The following MCC variants were observed in gnomAD, a reference collection of about 807,000 sequenced individuals.
MCC encodes the protein MCC regulator of Wnt signaling pathway.
Under a neutral mutation model 116.2 loss-of-function variants are expected in MCC, and 90 were observed. That is an observed-to-expected ratio of 0.77 (90% CI 0.65 to 0.92). The LOEUF (loss-of-function observed/expected upper bound fraction) is 0.92, where lower values mean the gene tolerates loss of function less well. Among genes scored for constraint, MCC ranks in the 40% least tolerant of loss-of-function variants. MCC has a pLI of 0.00. For synonymous variants in MCC, 578 were observed against 510.5 expected, an observed-to-expected ratio of 1.13 and a Z score of -1.78; for missense variants, 1,516 against 1,312.2, an observed-to-expected ratio of 1.16 and a Z score of -2.40.
At chr5:113,444,089 T>C (rs548181855) in intron 1 of MCC, among the ~76,000 whole-genome samples, 17 of 152,012 alleles carry the variant, frequency 1.1e-4, no homozygotes, top group South Asian at 4.2e-4. Flanking sequence ...ACGTGATCTA[T>C]CCGCTTTGGC....
At chr5:113,339,705 T>C (rs1181326273) in intron 3 of MCC, among the ~76,000 whole-genome samples, 1 of 152,206 alleles carries the variant, frequency 6.6e-6, no homozygotes, top group African/African-American at 2.4e-5. Flanking sequence ...CCTTCAAACA[T>C]CCCACCAAAA....
At chr5:113,218,120 G>A (rs1206063021) in intron 3 of MCC, among the ~76,000 whole-genome samples, 1 of 144,650 alleles carries the variant, frequency 6.9e-6, no homozygotes, top group Non-Finnish European at 1.5e-5. Context: ...TGGGAAACTG[G>A]GGGGAGTATG....
intron 14 of MCC, among the ~76,000 whole-genome samples, chr5:113,061,628 C>G (rs1371543938): frequency 6.6e-6 from 1 of 152,202 alleles, no homozygotes; most frequent in Admixed American, 6.5e-5. Context: ...TGGTTAACTA[C>G]CCCTCTGCTG....
rs1767643325 is a variant in MCC, at chr5:113,329,435, C to T, written c.627+11084G>A. On this transcript the variant is annotated intron_variant, in intron 3 of 18. Transcript: ENST00000408903. ...ATATCCACACATACATATATACACA[C>T]ATACATATATACATATATGTATACA... 2.0e-5 allele frequency among the ~76,000 whole-genome samples: 3 copies of T among 148,376 alleles called. No homozygotes were observed. The South Asian group carries it at 6.2e-4, about 31-fold the overall frequency.
chr5:113,234,139 A>G (rs1764045944), intron 3 of MCC, among the ~76,000 whole-genome samples: 1 of 152,186 alleles, frequency 6.6e-6, no homozygotes, highest in Non-Finnish European at 1.5e-5. Context: ...ATTTTCATGA[A>G]CTGATAGTTT....
chr5:113,354,677 T>C (rs912491338), intron 2 of MCC, among the ~76,000 whole-genome samples: 10 of 151,840 alleles, frequency 6.6e-5, no homozygotes, highest in Non-Finnish European at 1.3e-4. Flanking sequence ...TCAGGTGATC[T>C]GCCCGCCTCG....
chr5:113,264,721 T>G (rs1013837532), intron 3 of MCC, among the ~76,000 whole-genome samples: 1 of 152,206 alleles, frequency 6.6e-6, no homozygotes, highest in African/African-American at 2.4e-5. Context: ...AAAAATTATA[T>G]GAAATTCACA....
intron 1 of MCC, among the ~76,000 whole-genome samples, chr5:113,407,167 A>T (rs1034370667): frequency 2.0e-5 from 3 of 152,208 alleles, no homozygotes; most frequent in Non-Finnish European, 4.4e-5. Flanking sequence ...GTGCTCAGCA[A>T]TTGACATAAT....
intron 1 of MCC, among the ~76,000 whole-genome samples, chr5:113,466,506 C>A (rs75758540): frequency 0.37 from 55,769 of 151,826 alleles, 12,833 homozygotes; most frequent in East Asian, 0.69. Flanking sequence ...CTACAAAGGA[C>A]ACAAACTCAT....
chr5:113,474,673 A>G (rs953774113), intron 1 of MCC, among the ~76,000 whole-genome samples: 1 of 152,212 alleles, frequency 6.6e-6, no homozygotes, highest in Non-Finnish European at 1.5e-5. Context: ...GCAAGCCTGC[A>G]GATTAGAATA....
intron 12 of MCC, among the ~76,000 whole-genome samples, chr5:113,070,320 G>A (rs1350434576): frequency 6.6e-6 from 1 of 152,086 alleles, no homozygotes; most frequent in Non-Finnish European, 1.5e-5. Context: ...AACCTATGAT[G>A]ATAATAATAA....
At chr5:113,487,577 C>T (rs1437173444) in intron 1 of MCC, among the ~76,000 whole-genome samples, 1 of 152,244 alleles carries the variant, frequency 6.6e-6, no homozygotes, top group Non-Finnish European at 1.5e-5. Context: ...GCGCCCGGAG[C>T]CACGCCGAAG....
chr5:113,279,850 T>C (rs1240422089), intron 3 of MCC, among the ~76,000 whole-genome samples: 1 of 152,234 alleles, frequency 6.6e-6, no homozygotes, highest in Non-Finnish European at 1.5e-5. Flanking sequence ...GGCAATATGT[T>C]TTAAAAAGTA....
chr5:113,286,590 T>C (rs756501583), intron 3 of MCC, among the ~76,000 whole-genome samples: 1 of 152,226 alleles, frequency 6.6e-6, no homozygotes, highest in Non-Finnish European at 1.5e-5. Context: ...GCTCAAAATA[T>C]TCCACCAACC....
chr5:113,391,240 T>TA (rs1561548778), intron 1 of MCC, among the ~76,000 whole-genome samples: 1 of 152,174 alleles, frequency 6.6e-6, no homozygotes, highest in Non-Finnish European at 1.5e-5. Context: ...TGATGGATGA[T>TA]ACAGGCGCTA....
chr5:113,374,208 T>G (rs529931360), intron 2 of MCC, among the ~76,000 whole-genome samples: 2 of 138,756 alleles, frequency 1.4e-5, no homozygotes, highest in East Asian at 2.0e-4. Flanking sequence ...TTCTACTTTT[T>G]TTTTTTTTGT....
At chr5:113,214,391 T>C (rs1763236508) in intron 3 of MCC, among the ~76,000 whole-genome samples, 1 of 152,238 alleles carries the variant, frequency 6.6e-6, no homozygotes, top group African/African-American at 2.4e-5. Context: ...CTGAGTTGCC[T>C]TGCGTGTTCA....
At chr5:113,371,486 A>G (rs933169409) in intron 2 of MCC, among the ~76,000 whole-genome samples, 4 of 152,268 alleles carry the variant, frequency 2.6e-5, no homozygotes, top group Non-Finnish European at 4.4e-5. Flanking sequence ...ATACAAAGAA[A>G]TAAATCTGAC....
At chr5:113,405,777 AGCCTAGG>A (rs1769815435) in intron 1 of MCC, among the ~76,000 whole-genome samples, 1 of 152,056 alleles carries the variant, frequency 6.6e-6, no homozygotes, top group Non-Finnish European at 1.5e-5. Context: ...ACTCCACTCC[AGCCTAGG>A]TGATGAGCGA....
Sources: allele counts gnomAD v4.1 joint callset (sites outside exome capture counted in the v4.1 genomes callset), GRCh38; gene constraint gnomAD v4.1.1; transcripts MANE v1.5; gene names NCBI Gene and HGNC (gene_info 2026-07-23, HGNC 2026-07-21).